PCDHA4: variants seen among roughly 807,000 people sequenced by gnomAD.
PCDHA4 encodes protocadherin alpha-4.
A neutral mutation model predicts 61.4 loss-of-function variants in PCDHA4; 49 were observed. That is an observed-to-expected ratio of 0.80 (90% CI 0.63 to 1.01). The LOEUF (loss-of-function observed/expected upper bound fraction) is 1.01. Ranked by LOEUF, PCDHA4 falls within the 50% of genes least tolerant of loss-of-function variation. The pLI is 0.00. For missense variants in PCDHA4, 1,254 were observed against 1,235.8 expected (o/e 1.01, Z -0.22); for synonymous variants, 590 against 550.3 (o/e 1.07, Z -1.01).
chr5:141,002,681 C>T (rs556518008), intron 3 of PCDHA4, among the ~76,000 whole-genome samples: 32 of 152,154 alleles, frequency 2.1e-4, no homozygotes, highest in Non-Finnish European at 4.0e-4. Context: ...ACCTATACGA[C>T]GTGCAGATTT....
At chr5:140,932,066 G>C (rs1196454003) in intron 1 of PCDHA4, among the ~76,000 whole-genome samples, 1 of 151,752 alleles carries the variant, frequency 6.6e-6, no homozygotes, top group Non-Finnish European at 1.5e-5. Flanking sequence ...AAAATTATCA[G>C]TTTAAGAAAT....
At chr5:140,870,029 A>T (rs1201766971) in intron 1 of PCDHA4, 4 of 1,613,792 alleles carry the variant, frequency 2.5e-6, no homozygotes, top group Non-Finnish European at 3.4e-6. Flanking sequence ...ACTTTAGATT[A>T]TGAAGAAAAC....
intron 1 of PCDHA4, among the ~76,000 whole-genome samples, chr5:140,925,482 A>G (rs1238702660): frequency 2.0e-5 from 3 of 152,088 alleles, no homozygotes; most frequent in Admixed American, 6.6e-5. Flanking sequence ...TTCTCATAGA[A>G]CTGATCACTG....
At chr5:140,809,891 A>C (rs1554125376) in intron 1 of PCDHA4, 1 of 211,874 alleles carries the variant, frequency 4.7e-6, no homozygotes, top group Non-Finnish European at 9.4e-6. Flanking sequence ...ATTACATATA[A>C]ACAAATGTGC....
At chr5:140,809,878 C>T (rs964149878) in intron 1 of PCDHA4, 2 of 246,758 alleles carry the variant, frequency 8.1e-6, no homozygotes, top group Non-Finnish European at 1.5e-5. Context: ...TATTATTTAA[C>T]CTATTACATA....
rs782453395 is a variant in PCDHA4 at position 140,875,890 on chromosome 5, G to A, written c.2385+66318G>A. 2.4e-5 allele frequency: 38 copies of A among 1,614,180 alleles called. No homozygotes were observed. The South Asian group carries it at 4.1e-4, about 17-fold the overall frequency. On this transcript the variant is annotated intron_variant, in intron 1 of 3. Coordinates refer to ENST00000530339, the MANE Select transcript of PCDHA4 (RefSeq NM_018907.4). Reference sequence around the variant, plus strand: ...GGTGTTCAGAGAAAGGGAACAAAAGGTACCTGTTTCTGAATCTGCGCCTCT... The same window carrying A: ...GGTGTTCAGAGAAAGGGAACAAAAGATACCTGTTTCTGAATCTGCGCCTCT...
chr5:140,927,687 T>C (rs1563095426), intron 1 of PCDHA4: 2 of 1,614,158 alleles, frequency 1.2e-6, no homozygotes, highest in Non-Finnish European at 1.7e-6. Context: ...AAGGGTCCAA[T>C]GGGGAAGTCC....
In PCDHA4 at chr5:140,975,255, C is replaced by A. The variant is rs530385456; in HGVS notation, c.2386-3694C>A. On this transcript the variant is annotated intron_variant, in intron 1 of 3. Transcript: ENST00000530339. ...ATGGAATCCCTCTTATGCTTCAGAT[C>A]TCTCTGATTTCTGTCTCTGACCTCT... Among the ~76,000 whole-genome samples, 6 of 152,334 alleles carry A rather than the reference C, an allele frequency of 3.9e-5. No individual in the cohort carries two copies. In the South Asian group the frequency reaches 1.2e-3, roughly 32 times the overall value.
intron 1 of PCDHA4, chr5:140,969,039 A>G: frequency 6.2e-7 from 1 of 1,614,130 alleles, no homozygotes; most frequent in Non-Finnish European, 8.5e-7. Context: ...GAACTGTACA[A>G]ACAAGCCAAC....
intron 1 of PCDHA4, chr5:140,877,774 G>T (rs782686661): frequency 1.2e-6 from 2 of 1,614,176 alleles, no homozygotes; most frequent in South Asian, 2.2e-5. Context: ...GCCCAAGACG[G>T]ACCTCATGGC....
chr5:140,836,948 A>G (rs1050611194), intron 1 of PCDHA4: 2 of 442,648 alleles, frequency 4.5e-6, no homozygotes, highest in Non-Finnish European at 7.8e-6. Flanking sequence ...ATCAAAATCT[A>G]TGGTTTATGT....
At chr5:140,856,459 A>G (rs566691333) in intron 1 of PCDHA4, 2 of 1,598,380 alleles carry the variant, frequency 1.3e-6, no homozygotes, top group South Asian at 2.2e-5. Flanking sequence ...TAACAGAACA[A>G]AAGCTCTCAA....
chr5:140,967,079 A>G (rs2096093467), intron 1 of PCDHA4: 10 of 1,613,252 alleles, frequency 6.2e-6, no homozygotes, highest in Non-Finnish European at 8.5e-6. Flanking sequence ...CAACGAGCGC[A>G]TTGATCGGGA....
At chr5:140,833,795 C>G (rs959887752) in intron 1 of PCDHA4, among the ~76,000 whole-genome samples, 2 of 152,096 alleles carry the variant, frequency 1.3e-5, no homozygotes, top group African/African-American at 4.8e-5. Context: ...TTTCATCAAT[C>G]AGTAGATTCT....
chr5:140,863,264 C>A (rs1432032847), intron 1 of PCDHA4: 2 of 1,454,796 alleles, frequency 1.4e-6, no homozygotes, highest in African/African-American at 1.4e-5. Context: ...GTCCGGGAGG[C>A]AGCGCTGGTG....
At chr5:140,962,673 C>T (rs1409804701) in intron 1 of PCDHA4, among the ~76,000 whole-genome samples, 2 of 152,164 alleles carry the variant, frequency 1.3e-5, no homozygotes, top group African/African-American at 4.8e-5. Flanking sequence ...TTCCCATCCA[C>T]TGGATGTTTT....
At chr5:140,996,752 GT>G (rs1406262736) in intron 3 of PCDHA4, among the ~76,000 whole-genome samples, 2 of 152,208 alleles carry the variant, frequency 1.3e-5, no homozygotes, top group East Asian at 3.9e-4. Flanking sequence ...AATTATATCT[GT>G]GCAGGACTAA....
At chr5:140,844,381 T>C (rs1554140633) in intron 1 of PCDHA4, among the ~76,000 whole-genome samples, 1 of 149,612 alleles carries the variant, frequency 6.7e-6, no homozygotes, top group African/African-American at 2.4e-5. Flanking sequence ...TTCTTTTAAT[T>C]CATTATTTAG....
At position 140,849,621 on chromosome 5, in the gene PCDHA4, G is replaced by A. The variant is rs2150442688; in HGVS notation, c.2385+40049G>A. The stretch of plus-strand genomic sequence containing the variant: ...AGTTATTGCCCTGATTAGTGTGATC[G>A]ACCTAGACGCAGATGCCAACGGGCA... On this transcript the variant is annotated intron_variant, in intron 1 of 3. Transcript: ENST00000530339. The A allele has an allele frequency of 1.9e-6, 3 of 1,598,666 alleles. 1 individual carries two copies. The highest frequency in any genetic ancestry group is 2.2e-5 in the East Asian group (1 of 44,846).
Sources: gnomAD v4.1 joint callset for allele counts (sites outside exome capture counted in the v4.1 genomes callset) on GRCh38, gnomAD v4.1.1 for gene constraint, MANE v1.5 for transcripts, NCBI Gene and HGNC (gene_info 2026-07-23, HGNC 2026-07-21) for gene names.